The following ALDH3B1 variants were observed in gnomAD, a reference collection of about 807,000 sequenced individuals.
ALDH3B1 encodes the protein aldehyde dehydrogenase 3 family member B1.
Under a neutral mutation model 46.2 loss-of-function variants are expected in ALDH3B1, and 37 were observed. The observed-to-expected ratio is 0.80, with a 90% CI of 0.62 to 1.05. The LOEUF (loss-of-function observed/expected upper bound fraction) is 1.05. ALDH3B1 is among the 50% of genes least tolerant of loss of function. The pLI is 0.00. For synonymous variants in ALDH3B1, 283 were observed against 281.0 expected (o/e 1.01, Z -0.07); for missense variants, 603 against 665.5 (o/e 0.91, Z 1.03).
At position 68,028,067 on chromosome 11, in the gene ALDH3B1, A is replaced by G. The variant is rs781222499; in HGVS notation, c.*128A>G. On this transcript the variant is annotated 3_prime_UTR_variant, in exon 10 of 10. Coordinates refer to ENST00000342456, the MANE Select transcript of ALDH3B1 (RefSeq NM_000694.4). ...AAGGCTCCAGGGCACCCCTCAAAGCAGCGCCTGCCTCCTCCCTCCTGGGTC... is the reference window on the plus strand; with the variant it reads ...AAGGCTCCAGGGCACCCCTCAAAGCGGCGCCTGCCTCCTCCCTCCTGGGTC... 8.1e-7 allele frequency: 1 copy of G among 1,232,138 alleles called. No individual in the cohort carries two copies. Among genetic ancestry groups the G allele is most frequent in the South Asian group, 1.2e-5 (1 of 82,964 alleles). 76.3% of individuals were successfully genotyped at this position (1,232,138 alleles called of 1,614,324 possible).
At position 68,021,732 on chromosome 11, in the gene ALDH3B1, T is replaced by C. The variant is rs1230824670; in HGVS notation, c.810T>C (p.Arg270=). The C allele has an allele frequency of 5.0e-6, 8 of 1,614,022 alleles. No individual in the cohort carries two copies. Among genetic ancestry groups the C allele is most frequent in the Non-Finnish European group, 6.8e-6 (8 of 1,179,990 alleles). ...LLPALQSTIT[R]FYGDDPQSSP... is the part of the protein sequence containing the mutation. ...CTGCCCTGCAGAGCACCATCACCCG[T>C]TTCTATGGCGACGACCCCCAGAGCT... is the stretch of plus-strand genomic sequence containing the variant. The change falls in exon 7 of 10, where the codon CGT becomes CGC. Residue 270 remains arginine, a synonymous_variant. Coordinates refer to ENST00000342456, the MANE Select transcript of ALDH3B1 (RefSeq NM_000694.4).
At position 68,021,630 on chromosome 11, in the gene ALDH3B1, C is replaced by A; in HGVS notation, c.708C>A (p.Arg236=). The part of the protein sequence containing the change: ...QTVANRVAWF[R]YFNAGQTCVA... ...TGGCCAACCGCGTGGCCTGGTTCCG[C>A]TACTTCAACGCCGGCCAGACCTGCG... The change falls in exon 7 of 10, where the codon CGC becomes CGA. Residue 236 remains arginine, a synonymous_variant. Transcript: ENST00000342456. The A allele has an allele frequency of 1.2e-6, 2 of 1,614,082 alleles. No homozygotes were observed. Among genetic ancestry groups the A allele is most frequent in the Middle Eastern group, 1.7e-4 (1 of 6,056 alleles).
chr11:68,021,356 G>C (rs1312431956), intron 6 of ALDH3B1, 129 bp from the exon 7 acceptor site: 1 of 1,394,408 alleles, frequency 7.2e-7, no homozygotes, highest in Non-Finnish European at 9.7e-7. Flanking sequence ...TGAGGAACAA[G>C]GAAAGGCCAG....
intron 7 of ALDH3B1, 148 bp from the exon 8 acceptor site, chr11:68,022,447 A>T: frequency 4.4e-6 from 5 of 1,134,250 alleles, no homozygotes; most frequent in Non-Finnish European, 6.1e-6. Flanking sequence ...TTTCTTCCCT[A>T]AACACTCCAA....
At chr11:68,019,367 C>A in intron 5 of ALDH3B1, 112 bp downstream of exon 5, 1 of 931,174 alleles carries the variant, frequency 1.1e-6, no homozygotes, top group Non-Finnish European at 1.7e-6. Context: ...CTCAATCCTG[C>A]CTCTTCTGAG....
chr11:68,015,347 C>T lies in ALDH3B1; in HGVS notation c.50C>T (p.Ala17Val), dbSNP rs770274507. 14 of 1,535,626 alleles carry T rather than the reference C, an allele frequency of 9.1e-6. No individual in the cohort carries two copies. Among genetic ancestry groups the T allele is most frequent in the Middle Eastern group, 2.1e-4 (1 of 4,730 alleles). The change falls in exon 2 of 10, where the codon GCG becomes GTG. Residue 17 changes from alanine (A) to valine (V), a missense_variant. Physicochemically the swap from Ala to Val is moderately conservative, Grantham distance 64. Transcript: ENST00000342456. ...CGGCGACTGCGGGAGGCCTTCCACGCGGGGCGCACGCGGCCAGCTGAGTTC... is the reference window on the plus strand; with the variant it reads ...CGGCGACTGCGGGAGGCCTTCCACGTGGGGCGCACGCGGCCAGCTGAGTTC... ...TLRRLREAFHAGRTRPAEFRA... is the reference protein window; with the variant it reads ...TLRRLREAFHVGRTRPAEFRA...
rs760714030 is a variant in ALDH3B1 at position 68,019,805 on chromosome 11, G to C, written c.562+9G>C. 3.1e-6 allele frequency: 5 copies of C among 1,613,574 alleles called. No homozygotes were observed. Among genetic ancestry groups the C allele is most frequent in the Admixed American group, 3.3e-5 (2 of 59,978 alleles). The stretch of plus-strand genomic sequence containing the variant: ...CTACATCTTCTTCACAGGTGAGGCC[G>C]GGACGAGGGTCGGGACAGGCTGGGG... On this transcript the variant is annotated intron_variant, in intron 6 of 9. Transcript: ENST00000342456.
Position 68,021,670 on chromosome 11 carries a change from G to C in ALDH3B1, c.748G>C (p.Val250Leu), listed in dbSNP as rs1232456245. The C allele has an allele frequency of 6.2e-7, 1 of 1,614,004 alleles. No individual in the cohort carries two copies. Among genetic ancestry groups the C allele is most frequent in the Non-Finnish European group, 8.5e-7 (1 of 1,179,974 alleles). Residue 250 changes from valine to leucine, a missense_variant, in exon 7 of 10, where the codon GTC becomes CTC. By Grantham distance (32) the Val-to-Leu change is conservative. Coordinates refer to ENST00000342456, the MANE Select transcript of ALDH3B1 (RefSeq NM_000694.4). ...AGQTCVAPDY[V>L]LCSPEMQERL... ...CCAGACCTGCGTGGCCCCCGACTAC[G>C]TCCTATGCAGCCCTGAGATGCAGGA...
At chr11:68,020,288 TTG>T (rs1857459323) in intron 6 of ALDH3B1, among the ~76,000 whole-genome samples, 1 of 152,112 alleles carries the variant, frequency 6.6e-6, no homozygotes, top group Non-Finnish European at 1.5e-5. Context: ...TGGCACAATC[TTG>T]GCACAATCTT....
Position 68,027,798 on chromosome 11 carries a change from C to T in ALDH3B1, c.1266C>T (p.Phe422=). 12 of 1,559,918 alleles carry T rather than the reference C, an allele frequency of 7.7e-6. No individual in the cohort carries two copies. Among genetic ancestry groups the T allele is most frequent in the Non-Finnish European group, 1.0e-5 (12 of 1,150,868 alleles). ...ATGGCAAGTTCTCCTTCGACACCTT[C>T]TCCCACCATCGCGCCTGCCTCCTGC... ...RYHGKFSFDT[F]SHHRACLLRS... is the part of the protein sequence containing the mutation. Residue 422 remains phenylalanine, a synonymous_variant, in exon 10 of 10, where the codon TTC becomes TTT. Transcript: ENST00000342456.
chr11:68,017,327 C>T (rs1857374067), intron 2 of ALDH3B1: 1 of 152,324 alleles, frequency 6.6e-6, no homozygotes, highest in African/African-American at 2.4e-5. Context: ...CGTCTTCCTC[C>T]CTCTTGGGGC....
rs767161715 is a variant in ALDH3B1 at position 68,018,760 on chromosome 11, G to T, written c.274-13G>T. On this transcript the variant is annotated splice_polypyrimidine_tract_variant and intron_variant, in intron 3 of 9. Coordinates refer to ENST00000342456, the MANE Select transcript of ALDH3B1 (RefSeq NM_000694.4). Reference sequence around the variant, plus strand: ...TGCTGAGCACTTAATTTCATCCCCGGCTCCCGGCCCAGGCCACGCAGCTGG... The same window carrying T: ...TGCTGAGCACTTAATTTCATCCCCGTCTCCCGGCCCAGGCCACGCAGCTGG... The T allele has an allele frequency of 3.9e-5, 61 of 1,551,404 alleles. No individual in the cohort carries two copies. In the African/African-American group the frequency reaches 7.0e-4, roughly 18 times the overall value.
In ALDH3B1 at chr11:68,022,751, A is replaced by C; in HGVS notation, c.1106A>C (p.Asn369Thr). 1 of 1,614,070 alleles carries C rather than the reference A, an allele frequency of 6.2e-7. No individual in the cohort carries two copies. The highest frequency in any genetic ancestry group is 8.5e-7 in the Non-Finnish European group (1 of 1,179,992). The part of the protein sequence containing the change: ...EKPLALYAFS[N>T]SSQVVKRVLT... ...CCCCTGGCCCTGTACGCCTTCTCCA[A>C]CAGCAGCCAGGTGGGGGTGCGGCCG... Residue 369 changes from asparagine (N) to threonine (T), a missense_variant, in exon 8 of 10, where the codon AAC becomes ACC. Asn to Thr is a moderately conservative substitution (Grantham distance 65). Transcript: ENST00000342456.
chr11:68,010,203 C>T (rs764686295), upstream of ALDH3B1: 5 of 152,274 alleles, frequency 3.3e-5, no homozygotes, highest in Admixed American at 1.3e-4. Context: ...TCGAGGCCCC[C>T]GAGGGAGGCG....
At chr11:68,027,295 G>T (rs1477596120) in intron 9 of ALDH3B1, among the ~76,000 whole-genome samples, 8 of 152,156 alleles carry the variant, frequency 5.3e-5, no homozygotes, top group Non-Finnish European at 1.2e-4. Context: ...GCCCTGGCCT[G>T]GGGCCTCGTC....
chr11:68,012,885 C>T (rs1165129473), intron 1 of ALDH3B1, among the ~76,000 whole-genome samples: 8 of 152,160 alleles, frequency 5.3e-5, no homozygotes, highest in African/African-American at 1.9e-4. Flanking sequence ...CAAGCTCTGG[C>T]CCTCTCTGAG....
chr11:68,020,199 C>T (rs1235914694), intron 6 of ALDH3B1, among the ~76,000 whole-genome samples: 6 of 152,152 alleles, frequency 3.9e-5, no homozygotes, highest in Non-Finnish European at 7.3e-5. Context: ...TGCACACAAG[C>T]CCTTGGAGAA....
At chr11:68,024,552 T>G (rs1857579194) in intron 8 of ALDH3B1, 1 of 152,268 alleles carries the variant, frequency 6.6e-6, no homozygotes, top group African/African-American at 2.4e-5. Context: ...GATTGTTTTA[T>G]AGGGCCTGTG....
Position 68,018,532 on chromosome 11 carries a change from C to A in ALDH3B1, c.168C>A (p.Ala56=). The A allele has an allele frequency of 6.4e-7, 1 of 1,569,700 alleles. No individual in the cohort carries two copies. The highest frequency in any genetic ancestry group is 8.6e-7 in the Non-Finnish European group (1 of 1,157,464). ...ACCCCACCCACTTCCTGCAGTCAGC[C>A]TTCGAGTCGGAGGTGTCTGAGGTTG... is the stretch of plus-strand genomic sequence containing the variant. The part of the protein sequence containing the change: ...DALAQDLHKS[A]FESEVSEVAI... Residue 56 remains alanine (A), a synonymous_variant, in exon 3 of 10, where the codon GCC becomes GCA. Transcript: ENST00000342456.
Sources: allele counts gnomAD v4.1 joint callset (sites outside exome capture counted in the v4.1 genomes callset), GRCh38; gene constraint gnomAD v4.1.1; transcripts MANE v1.5; gene names NCBI Gene and HGNC (gene_info 2026-07-23, HGNC 2026-07-21).